ZNF385D: variants seen among roughly 807,000 people sequenced by gnomAD.
The protein encoded by ZNF385D is zinc finger protein 385D.
In ZNF385D, 15 loss-of-function variants were observed where a neutral mutation model predicts 35.8. The ratio of observed to expected loss-of-function variants is 0.42; its 90% CI spans 0.28 to 0.64. The LOEUF (loss-of-function observed/expected upper bound fraction) is 0.64, where lower values mean the gene tolerates loss of function less well. ZNF385D is among the 30% of genes least tolerant of loss of function. ZNF385D has a pLI of 0.23. For missense variants in ZNF385D, 474 were observed against 494.6 expected (o/e 0.96, Z 0.39); for synonymous variants, 212 against 186.8 (o/e 1.13, Z -1.10).
intron 3 of ZNF385D, among the ~76,000 whole-genome samples, chr3:21,918,905 A>C (rs1700322048): frequency 6.6e-6 from 1 of 152,146 alleles, no homozygotes; most frequent in Non-Finnish European, 1.5e-5. Context: ...ATTAGCTTCA[A>C]GGTTATATTT....
chr3:22,104,889 C>A (rs1472938863), intron 3 of ZNF385D, among the ~76,000 whole-genome samples: 1 of 152,106 alleles, frequency 6.6e-6, no homozygotes, highest in African/African-American at 2.4e-5. Flanking sequence ...AATACAGTGA[C>A]TGCTGCTGTA....
intron 3 of ZNF385D, among the ~76,000 whole-genome samples, chr3:21,943,857 C>A (rs980464551): frequency 3.5e-4 from 53 of 152,178 alleles, no homozygotes; most frequent in African/African-American, 1.0e-3. Context: ...TATGGAAATA[C>A]AAAGAAATCA....
intron 3 of ZNF385D, among the ~76,000 whole-genome samples, chr3:22,122,386 T>A (rs1483411916): frequency 2.0e-5 from 3 of 152,096 alleles, no homozygotes; most frequent in African/African-American, 7.2e-5. Flanking sequence ...GTGGATCTCA[T>A]TTCCCAATAA....
At chr3:22,083,314 G>T (rs1405536412) in intron 3 of ZNF385D, among the ~76,000 whole-genome samples, 1 of 152,118 alleles carries the variant, frequency 6.6e-6, no homozygotes, top group Admixed American at 6.5e-5. Flanking sequence ...CGAACCCATC[G>T]CAAGGAAGGT....
chr3:21,673,519 G>T (rs1477929344), intron 1 of ZNF385D, among the ~76,000 whole-genome samples: 1 of 152,128 alleles, frequency 6.6e-6, no homozygotes. Context: ...TGACTTTTCA[G>T]ATTGAGGAGA....
At chr3:21,625,223 G>A (rs1284157081) in intron 2 of ZNF385D, among the ~76,000 whole-genome samples, 1 of 152,026 alleles carries the variant, frequency 6.6e-6, no homozygotes, top group Non-Finnish European at 1.5e-5. Flanking sequence ...TAAGGTCAGA[G>A]ACTTCCTAAG....
chr3:21,906,137 G>A (rs941088992), intron 3 of ZNF385D, among the ~76,000 whole-genome samples: 1 of 152,112 alleles, frequency 6.6e-6, no homozygotes, highest in Non-Finnish European at 1.5e-5. Context: ...GGCTATCAGT[G>A]TTTCCCCATG....
At chr3:21,635,328 A>G (rs1390390991) in intron 2 of ZNF385D, among the ~76,000 whole-genome samples, 42 of 152,126 alleles carry the variant, frequency 2.8e-4, no homozygotes, top group Non-Finnish European at 2.2e-4. Flanking sequence ...TGCTCACTAC[A>G]TGCCTGGTCC....
intron 3 of ZNF385D, among the ~76,000 whole-genome samples, chr3:21,916,876 T>C (rs892633430): frequency 9.2e-5 from 14 of 152,206 alleles, no homozygotes; most frequent in African/African-American, 2.7e-4. Flanking sequence ...TCAATTAACA[T>C]TGACGAATTA....
chr3:22,234,348 T>C lies in ZNF385D; in HGVS notation c.107-65313A>G, dbSNP rs138481701. 2.5e-3 allele frequency among the ~76,000 whole-genome samples: 380 copies of C among 152,242 alleles called. 2 individuals carry two copies. Among genetic ancestry groups the C allele is most frequent in the African/African-American group, 8.7e-3 (360 of 41,570 alleles). ...CAATAAACCACAAAGATCACCCTAG[T>C]GCTTTTTGAAGACACTTCCAAATCT... is the stretch of plus-strand genomic sequence containing the variant. On this transcript the variant is annotated intron_variant, in intron 2 of 5. Coordinates refer to the ZNF385D transcript ENST00000494108.
intron 3 of ZNF385D, among the ~76,000 whole-genome samples, chr3:22,057,563 G>A (rs1483736889): frequency 6.7e-6 from 1 of 148,748 alleles, no homozygotes; most frequent in Non-Finnish European, 1.5e-5. Flanking sequence ...AGGCTGGAGT[G>A]CTGTGGTGTG....
intron 2 of ZNF385D, among the ~76,000 whole-genome samples, chr3:22,252,494 T>C (rs751301847): frequency 2.0e-5 from 3 of 152,082 alleles, no homozygotes; most frequent in Non-Finnish European, 2.9e-5. Flanking sequence ...GACAAAGATA[T>C]GAGCAGAGTT....
At chr3:21,451,503 G>A (rs896508966) in intron 4 of ZNF385D, among the ~76,000 whole-genome samples, 3 of 152,036 alleles carry the variant, frequency 2.0e-5, no homozygotes, top group Non-Finnish European at 2.9e-5. Context: ...TTCATATAGA[G>A]TGGATCTCTC....
Position 22,201,379 on chromosome 3 carries a change from T to G in ZNF385D, c.107-32344A>C, listed in dbSNP as rs114468024. On this transcript the variant is annotated intron_variant, in intron 2 of 5. Transcript: ENST00000494108. ...TTCTGTAACCATAAAAAGTTTTTAC[T>G]TACTTGTGAAAAAATAGTAGAGGTA... 7.2e-3 allele frequency among the ~76,000 whole-genome samples: 1,092 copies of G among 152,230 alleles called. 8 individuals carry two copies. The highest frequency in any genetic ancestry group is 0.024 in the African/African-American group (1,013 of 41,570).
intron 2 of ZNF385D, among the ~76,000 whole-genome samples, chr3:21,642,272 A>C (rs1308004636): frequency 6.6e-6 from 1 of 151,878 alleles, no homozygotes; most frequent in Non-Finnish European, 1.5e-5. Context: ...TTTCTCCAAG[A>C]CCCCTTTCTC....
chr3:22,228,402 C>A (rs1188390045), intron 2 of ZNF385D, among the ~76,000 whole-genome samples: 2 of 152,132 alleles, frequency 1.3e-5, no homozygotes, highest in Non-Finnish European at 2.9e-5. Flanking sequence ...CCCACCCAAA[C>A]TGAGGAAACC....
chr3:22,094,690 A>G (rs948095515), intron 3 of ZNF385D, among the ~76,000 whole-genome samples: 1 of 151,934 alleles, frequency 6.6e-6, no homozygotes, highest in Non-Finnish European at 1.5e-5. Flanking sequence ...GAAGATGGCT[A>G]GTCATGAGAA....
chr3:22,231,633 C>T (rs1308160174), intron 2 of ZNF385D, among the ~76,000 whole-genome samples: 1 of 152,118 alleles, frequency 6.6e-6, no homozygotes, highest in Non-Finnish European at 1.5e-5. Context: ...AGATCCTTTT[C>T]TGTGCCTCCT....
intron 3 of ZNF385D, among the ~76,000 whole-genome samples, chr3:22,049,805 G>A (rs1699234351): frequency 1.3e-5 from 2 of 152,110 alleles, no homozygotes; most frequent in African/African-American, 4.8e-5. Context: ...TGCATTTGCT[G>A]ATTTGTGTAT....
Sources: allele counts gnomAD v4.1 joint callset (sites outside exome capture counted in the v4.1 genomes callset), GRCh38; gene constraint gnomAD v4.1.1; transcripts MANE v1.5; gene names NCBI Gene and HGNC (gene_info 2026-07-23, HGNC 2026-07-21).